The following ZFP30 variants were observed in gnomAD, a reference collection of about 807,000 sequenced individuals.
ZFP30 encodes ZFP30 zinc finger protein.
In ZFP30, 16 loss-of-function variants were observed where a neutral mutation model predicts 12.3. The ratio of observed to expected loss-of-function variants is 1.30; its 90% CI spans 0.88 to 1.98. The LOEUF (loss-of-function observed/expected upper bound fraction) is 1.98. Among genes scored for constraint, ZFP30 ranks in the 30% most tolerant of loss-of-function variants. The pLI is 0.00. For synonymous variants in ZFP30, 172 were observed against 201.0 expected (o/e 0.86, Z 1.22); for missense variants, 560 against 611.2 (o/e 0.92, Z 0.88).
chr19:37,640,413 T>C (rs1415873826), intron 5 of ZFP30, among the ~76,000 whole-genome samples: 3 of 149,188 alleles, frequency 2.0e-5, no homozygotes, highest in Non-Finnish European at 4.5e-5. Context: ...TTTAATTATA[T>C]AATACTATAT....
chr19:37,645,162 G>A (rs1460453326), intron 3 of ZFP30, among the ~76,000 whole-genome samples: 2 of 151,576 alleles, frequency 1.3e-5, no homozygotes, highest in Non-Finnish European at 2.9e-5. Context: ...CCGAGATCGC[G>A]CTACTGCACT....
rs149781256 is a variant in ZFP30 at position 37,635,903 on chromosome 19, A to G, written c.638T>C (p.Leu213Pro). The change falls in exon 6 of 6, where the codon CTC becomes CCC. Residue 213 changes from leucine (L) to proline (P), a missense_variant. Physicochemically the swap from Leu to Pro is moderately conservative, Grantham distance 98. Transcript: ENST00000684514. ...RHQRIHTSDK[L>P]YECKKCGKIF... ...CTTTCCACATTTTTTACATTCATAG[A>G]GTTTGTCAGAAGTATGAATTCTCTG... 7.1e-5 allele frequency: 114 copies of G among 1,613,912 alleles called. No homozygotes were observed. The highest frequency in any genetic ancestry group is 8.9e-5 in the Non-Finnish European group (105 of 1,180,016).
intron 5 of ZFP30, among the ~76,000 whole-genome samples, chr19:37,642,359 T>C (rs1259542032): frequency 1.3e-5 from 2 of 152,202 alleles, no homozygotes; most frequent in African/African-American, 4.8e-5. Context: ...ATTAAGTGTA[T>C]TTTATGCATT....
At chr19:37,639,117 T>C (rs1230103720) in intron 5 of ZFP30, among the ~76,000 whole-genome samples, 2 of 152,116 alleles carry the variant, frequency 1.3e-5, no homozygotes, top group African/African-American at 4.8e-5. Flanking sequence ...TGTCTCTTTC[T>C]CTGTCTCCCC....
intron 5 of ZFP30, among the ~76,000 whole-genome samples, chr19:37,636,974 G>T (rs2044340869): frequency 6.6e-6 from 1 of 151,992 alleles, no homozygotes; most frequent in South Asian, 2.1e-4. Flanking sequence ...GCCTCCCAAA[G>T]TGCTGGGATT....
chr19:37,654,607 TC>T (rs887919923), intron 2 of ZFP30, 104 bp downstream of exon 2: 1 of 152,074 alleles, frequency 6.6e-6, no homozygotes, highest in African/African-American at 2.4e-5. Flanking sequence ...GGTAGGGAAA[TC>T]CTAAGGCCCA....
chr19:37,649,081 A>G (rs1366522208), intron 2 of ZFP30, among the ~76,000 whole-genome samples: 1 of 151,908 alleles, frequency 6.6e-6, no homozygotes, highest in East Asian at 1.9e-4. Context: ...CTAACAACAA[A>G]AAAATTTTTT....
At chr19:37,642,949 A>T (rs190536605) in intron 5 of ZFP30, among the ~76,000 whole-genome samples, 1 of 147,962 alleles carries the variant, frequency 6.8e-6, no homozygotes, top group African/African-American at 2.5e-5. Context: ...GCTACTGGGG[A>T]GGCTGAGGCA....
Position 37,634,943 on chromosome 19 carries a change from T to A in ZFP30, c.*38A>T. The A allele has an allele frequency of 6.7e-7, 1 of 1,502,750 alleles. No homozygotes were observed. Among genetic ancestry groups the A allele is most frequent in the South Asian group, 1.4e-5 (1 of 71,686 alleles). 93.1% of individuals were successfully genotyped at this position (1,502,750 alleles called of 1,614,324 possible). A position where few individuals can be genotyped will look rare whatever the true frequency, so the allele number is the denominator to read the frequency against. On this transcript the variant is annotated 3_prime_UTR_variant, in exon 6 of 6. Coordinates refer to ENST00000684514, the MANE Select transcript of ZFP30 (RefSeq NM_001320669.3). ...TTCCTCTAGAATGTACTTCCTATGC[T>A]CAACATAAAATTCGCAAAGGAAGAG...
At chr19:37,645,973 C>T (rs1046804102) in intron 3 of ZFP30, among the ~76,000 whole-genome samples, 12 of 152,064 alleles carry the variant, frequency 7.9e-5, no homozygotes, top group African/African-American at 2.7e-4. Flanking sequence ...GTTTTGCTTT[C>T]CTCAATTTCA....
At chr19:37,637,359 C>T (rs961746366) in intron 5 of ZFP30, among the ~76,000 whole-genome samples, 6 of 151,248 alleles carry the variant, frequency 4.0e-5, no homozygotes, top group Admixed American at 6.6e-5. Flanking sequence ...CATGTGCCAC[C>T]GCTGTATTTT....
chr19:37,646,220 G>C (rs1246502177), intron 3 of ZFP30, among the ~76,000 whole-genome samples: 1 of 152,154 alleles, frequency 6.6e-6, no homozygotes, highest in East Asian at 1.9e-4. Context: ...CTGAGGTTTT[G>C]AGGCATCCAC....
At position 37,632,517 on chromosome 19, in the gene ZFP30, C is replaced by T. The variant is rs754546425; in HGVS notation, c.*2464G>A. The T allele has an allele frequency of 2.6e-5, 4 of 151,972 alleles. No homozygotes were observed. The highest frequency in any genetic ancestry group is 7.2e-5 in the African/African-American group (3 of 41,384). The allele number at this position is 151,972 out of a possible 1,614,324, so 9.4% of individuals were successfully genotyped here. A position where few individuals can be genotyped will look rare whatever the true frequency, so the allele number is the denominator to read the frequency against. Reference sequence around the variant, plus strand: ...GTCTACTTTTTATTGTTTATGCCAGCGCTGACAATAGAAATACGTGAGCTA... The same window carrying T: ...GTCTACTTTTTATTGTTTATGCCAGTGCTGACAATAGAAATACGTGAGCTA... On this transcript the variant is annotated 3_prime_UTR_variant, in exon 6 of 6. Coordinates refer to ENST00000684514, the MANE Select transcript of ZFP30 (RefSeq NM_001320669.3).
At chr19:37,640,461 C>G (rs1209855198) in intron 5 of ZFP30, among the ~76,000 whole-genome samples, 1 of 150,070 alleles carries the variant, frequency 6.7e-6, no homozygotes, top group Admixed American at 6.6e-5. Context: ...AAGCCAAATA[C>G]TAGTTTGGAT....
Position 37,635,259 on chromosome 19 carries a change from G to T in ZFP30, c.1282C>A (p.His428Asn). 2 of 1,614,170 alleles carry T rather than the reference G, an allele frequency of 1.2e-6. No homozygotes were observed. The highest frequency in any genetic ancestry group is 1.7e-6 in the Non-Finnish European group (2 of 1,180,014). ...TTCTCACCAAAATGAATACTCTGAT[G>T]TTGAGTAAGCTGTGAGAACAGCCTA... ...AFRLFSQLTQ[H>N]QSIHFGEKPF... The change falls in exon 6 of 6, where the codon CAT becomes AAT. Residue 428 changes from histidine (H) to asparagine (N), a missense_variant. Transcript: ENST00000684514.
Position 37,632,459 on chromosome 19 carries a change from T to A in ZFP30, c.*2522A>T, listed in dbSNP as rs1452497886. ...ACTGCAAAGGTCTTGACTATATTGGTATCTTTTAAAGAAACACACACAAAA... is the reference window on the plus strand; with the variant it reads ...ACTGCAAAGGTCTTGACTATATTGGAATCTTTTAAAGAAACACACACAAAA... On this transcript the variant is annotated 3_prime_UTR_variant, in exon 6 of 6. Transcript: ENST00000684514. 1 of 152,148 alleles carries A rather than the reference T, an allele frequency of 6.6e-6. No homozygotes were observed. Among genetic ancestry groups the A allele is most frequent in the Non-Finnish European group, 1.5e-5 (1 of 68,022 alleles). 9.4% of individuals were successfully genotyped at this position (152,148 alleles called of 1,614,324 possible). A position where few individuals can be genotyped will look rare whatever the true frequency, so the allele number is the denominator to read the frequency against.
At chr19:37,644,824 C>A in intron 3 of ZFP30, 88 bp from the exon 4 acceptor site, 1 of 1,333,924 alleles carries the variant, frequency 7.5e-7, no homozygotes, top group Non-Finnish European at 1.0e-6. Flanking sequence ...TGGCTCAATG[C>A]TTATAATTCT....
intron 3 of ZFP30, among the ~76,000 whole-genome samples, chr19:37,645,465 CTTTT>C (rs1032454512): frequency 6.7e-6 from 1 of 149,866 alleles, no homozygotes; most frequent in Admixed American, 6.7e-5. Flanking sequence ...CCACATTCTT[CTTTT>C]TTTTTGTAAC....
rs1166073570 is a variant in ZFP30 at position 37,631,597 on chromosome 19, T to C, written c.*3384A>G. ...ATCATTTATAAGAACTCTGTCTTTA[T>C]TAATTTTGAGAAGGTAATTTTAAGG... On this transcript the variant is annotated 3_prime_UTR_variant, in exon 6 of 6. Coordinates refer to ENST00000684514, the MANE Select transcript of ZFP30 (RefSeq NM_001320669.3). The C allele has an allele frequency of 2.0e-5, 3 of 151,764 alleles. No individual in the cohort carries two copies. Among genetic ancestry groups the C allele is most frequent in the Non-Finnish European group, 4.4e-5 (3 of 67,966 alleles). The allele number at this position is 151,764 out of a possible 1,614,324, so 9.4% of individuals were successfully genotyped here. A position where few individuals can be genotyped will look rare whatever the true frequency, so the allele number is the denominator to read the frequency against.
Sources: gnomAD v4.1 joint callset for allele counts (sites outside exome capture counted in the v4.1 genomes callset) on GRCh38, gnomAD v4.1.1 for gene constraint, MANE v1.5 for transcripts, NCBI Gene and HGNC (gene_info 2026-07-23, HGNC 2026-07-21) for gene names.